Variants in UBA5 observed in about 807,000 individuals in gnomAD.
The protein encoded by UBA5 is ubiquitin like modifier activating enzyme 5.
In UBA5, 28 loss-of-function variants were observed where a neutral mutation model predicts 52.9. The ratio of observed to expected loss-of-function variants is 0.53; its 90% confidence interval spans 0.39 to 0.73. The LOEUF (loss-of-function observed/expected upper bound fraction) is 0.73, where lower values mean the gene tolerates loss of function less well. Ranked by LOEUF, UBA5 falls within the 30% of genes least tolerant of loss-of-function variation. UBA5 has a pLI of 0.00. For synonymous variants in UBA5, 135 were observed against 162.1 expected (o/e 0.83, Z 1.27); for missense variants, 388 against 492.7 (o/e 0.79, Z 2.01).
rs1938902594 is a variant in UBA5 at position 132,677,912 on chromosome 3, C to G, written c.*1386C>G. 1 of 152,066 alleles carries G rather than the reference C, an allele frequency of 6.6e-6. No homozygotes were observed. Among genetic ancestry groups the G allele is most frequent in the Non-Finnish European group, 1.5e-5 (1 of 67,976 alleles). 9.4% of individuals were successfully genotyped at this position (152,066 alleles called of 1,614,324 possible). The stretch of plus-strand genomic sequence containing the variant: ...TTAGCCTGGAAACTTATTTATGTTG[C>G]CTTGGTGAGTCTTCTATCATTTTTT... On this transcript the variant is annotated 3_prime_UTR_variant, in exon 12 of 12. Transcript: ENST00000356232.
At chr3:132,658,376 A>G (rs961409406), upstream of UBA5, among the ~76,000 whole-genome samples, 8 of 152,186 alleles carry the variant, frequency 5.3e-5, no homozygotes, top group African/African-American at 1.9e-4. Flanking sequence ...ATTTACAACT[A>G]ATTTCATTTT....
At chr3:132,674,275 A>G (rs917800868) in intron 8 of UBA5, among the ~76,000 whole-genome samples, 13 of 152,126 alleles carry the variant, frequency 8.5e-5, no homozygotes, top group African/African-American at 2.9e-4. Flanking sequence ...TTTGTCATTT[A>G]TCTTTTTTAT....
At chr3:132,659,950 G>T, upstream of UBA5, 1 of 547,544 alleles carries the variant, frequency 1.8e-6, no homozygotes, top group Non-Finnish European at 3.0e-6. Context: ...CTAGTCAAGT[G>T]CCAAAAGAGC....
At position 132,660,400 on chromosome 3, in the gene UBA5, A is replaced by C. The variant is rs750510291; in HGVS notation, c.-138A>C. The C allele has an allele frequency of 5.2e-5, 58 of 1,123,320 alleles. No individual in the cohort carries two copies. The highest frequency in any genetic ancestry group is 6.7e-5 in the Non-Finnish European group (54 of 803,184). 69.6% of individuals were successfully genotyped at this position (1,123,320 alleles called of 1,614,324 possible). A position where few individuals can be genotyped will look rare whatever the true frequency, so the allele number is the denominator to read the frequency against. ...TGTCTGTCTGTGAGGCGCTGGGTGCACGTCCCCAGGGCTCTGGGCTAGGAA... is the reference window on the plus strand; with the variant it reads ...TGTCTGTCTGTGAGGCGCTGGGTGCCCGTCCCCAGGGCTCTGGGCTAGGAA... On this transcript the variant is annotated 5_prime_UTR_variant, in exon 1 of 12. Coordinates refer to ENST00000356232, the MANE Select transcript of UBA5 (RefSeq NM_024818.6). The surrounding 1 kb of genome is among the most constrained non-coding windows in gnomAD (Gnocchi z 4.1).
Position 132,666,207 on chromosome 3 carries a change from C to T in UBA5, c.297+134C>T, listed in dbSNP as rs1938372361. 6 of 712,376 alleles carry T rather than the reference C, an allele frequency of 8.4e-6. No individual in the cohort carries two copies. The Admixed American group carries it at 1.4e-4, about 17-fold the overall frequency. 44.1% of individuals were successfully genotyped at this position (712,376 alleles called of 1,614,324 possible). On this transcript the variant is annotated intron_variant, in intron 3 of 11. Coordinates refer to ENST00000356232, the MANE Select transcript of UBA5 (RefSeq NM_024818.6). ...GTATTAATCTAGATTGTTCTTTCTA[C>T]TCGGGTTGAGACATATCCCCACCCA...
upstream of UBA5, chr3:132,660,139 C>T (rs926401136): frequency 4.4e-5 from 15 of 341,896 alleles, no homozygotes; most frequent in Non-Finnish European, 7.4e-5. This position sits in a 1 kb window ranked among gnomAD's most constrained non-coding sequence, Gnocchi z 4.1. Context: ...GAAAAAGGGC[C>T]GTCAGACTGT....
At chr3:132,661,095 G>A in intron 1 of UBA5, 1 of 1,294,264 alleles carries the variant, frequency 7.7e-7, no homozygotes, top group East Asian at 5.3e-5. Flanking sequence ...TCTTAAATGG[G>A]GTCGGGGCGG....
chr3:132,669,038 T>G, intron 4 of UBA5, 111 bp downstream of exon 4: 2 of 726,762 alleles, frequency 2.8e-6, no homozygotes, highest in Non-Finnish European at 4.2e-6. Context: ...CAGTTTTCAC[T>G]TGTACAAAGA....
At chr3:132,675,407 C>T in intron 9 of UBA5, 24 bp downstream of exon 9, 1 of 1,610,282 alleles carries the variant, frequency 6.2e-7, no homozygotes, top group Non-Finnish European at 8.5e-7. Context: ...TGTTAGAATG[C>T]ATGAGGGATC....
Position 132,665,879 on chromosome 3 carries a change from C to A in UBA5, c.207+11C>A, listed in dbSNP as rs764818446. 3.7e-6 allele frequency: 6 copies of A among 1,613,298 alleles called. No individual in the cohort carries two copies. Among genetic ancestry groups the A allele is most frequent in the Non-Finnish European group, 4.2e-6 (5 of 1,179,406 alleles). ...GTAAGCGACTATGAGGTATGATAAA[C>A]CCTTTCCAAGTTTTTGTAAGATTAA... On this transcript the variant is annotated intron_variant, in intron 2 of 11. Coordinates refer to ENST00000356232, the MANE Select transcript of UBA5 (RefSeq NM_024818.6).
chr3:132,665,060 A>G (rs770143526), intron 1 of UBA5, among the ~76,000 whole-genome samples: 13 of 152,126 alleles, frequency 8.5e-5, no homozygotes, highest in Admixed American at 2.6e-4. Context: ...AACCAAGATG[A>G]CTATCTAACA....
intron 4 of UBA5, among the ~76,000 whole-genome samples, 167 bp downstream of exon 4, chr3:132,669,094 G>C (rs76460603): frequency 0.033 from 5,009 of 152,162 alleles, 95 homozygotes; most frequent in African/African-American, 0.044. Flanking sequence ...TTTATGTATA[G>C]GTTAGATAAT....
chr3:132,667,305 C>T (rs759822455), intron 3 of UBA5: 1 of 152,116 alleles, frequency 6.6e-6, no homozygotes, highest in African/African-American at 2.4e-5. Context: ...AGCTAGACCA[C>T]GCCATTTTGA....
chr3:132,655,303 G>GT (rs967128728), intron 1 of UBA5, among the ~76,000 whole-genome samples: 28 of 151,994 alleles, frequency 1.8e-4, no homozygotes, highest in South Asian at 1.0e-3. Flanking sequence ...CAGAGATTCT[G>GT]TTTTTTTTGT....
chr3:132,658,250 C>G (rs567605170), upstream of UBA5, among the ~76,000 whole-genome samples: 1 of 152,166 alleles, frequency 6.6e-6, no homozygotes, highest in Admixed American at 6.5e-5. Flanking sequence ...TTTTTATAAA[C>G]TTTTTCATGT....
chr3:132,677,022 G>C lies in UBA5; in HGVS notation c.*496G>C, dbSNP rs1365939344. The C allele has an allele frequency of 6.4e-6, 2 of 313,932 alleles. No homozygotes were observed. The highest frequency in any genetic ancestry group is 4.3e-5 in the African/African-American group (2 of 46,292). The allele number at this position is 313,932 out of a possible 1,614,324, so 19.4% of individuals were successfully genotyped here. A position where few individuals can be genotyped will look rare whatever the true frequency, so the allele number is the denominator to read the frequency against. The stretch of plus-strand genomic sequence containing the variant: ...GAAAATTGCCCACTACTACTAACTT[G>C]ATCAACAATGAATTCAAAATAGTTA... On this transcript the variant is annotated 3_prime_UTR_variant, in exon 12 of 12. Coordinates refer to ENST00000356232, the MANE Select transcript of UBA5 (RefSeq NM_024818.6).
upstream of UBA5, chr3:132,659,987 C>T: frequency 4.3e-6 from 2 of 462,008 alleles, no homozygotes; most frequent in Non-Finnish European, 7.5e-6. Flanking sequence ...TTTCAATTCT[C>T]CAGTCAGCGT....
chr3:132,660,982 C>A lies in UBA5; in HGVS notation c.161+284C>A. 6.8e-7 allele frequency: 1 copy of A among 1,472,538 alleles called. No individual in the cohort carries two copies. The highest frequency in any genetic ancestry group is 9.0e-7 in the Non-Finnish European group (1 of 1,107,244). 91.2% of individuals were successfully genotyped at this position (1,472,538 alleles called of 1,614,324 possible). ...TCACCCTTGCCTCTTAATTAGTCCG[C>A]CTCGCTGTGTATAAGACTGATAGTA... On this transcript the variant is annotated intron_variant, in intron 1 of 11. Coordinates refer to ENST00000356232, the MANE Select transcript of UBA5 (RefSeq NM_024818.6). The surrounding 1 kb of genome is among the most constrained non-coding windows in gnomAD (Gnocchi z 4.1).
Position 132,676,339 on chromosome 3 carries a change from TA to T in UBA5, c.1132-103del. On this transcript the variant is annotated intron_variant, in intron 11 of 11. Transcript: ENST00000356232. The surrounding 1 kb of genome is among the most constrained non-coding windows in gnomAD (Gnocchi z 4.1). ...GATAGTTGTTAAAGAAAATTTACTT[TA>T]TAACCTTGTTGAGCATGGTCAAAAC... is the stretch of plus-strand genomic sequence containing the variant. The T allele has an allele frequency of 1.2e-6, 1 of 861,336 alleles. No homozygotes were observed. Among genetic ancestry groups the T allele is most frequent in the South Asian group, 1.6e-5 (1 of 61,850 alleles). The allele number at this position is 861,336 out of a possible 1,614,324, so 53.4% of individuals were successfully genotyped here. A position where few individuals can be genotyped will look rare whatever the true frequency, so the allele number is the denominator to read the frequency against.
Sources: gnomAD v4.1 joint callset for allele counts (sites outside exome capture counted in the v4.1 genomes callset) on GRCh38, gnomAD v4.1.1 for gene constraint, Gnocchi (gnomAD v3.1) non-coding constraint, MANE v1.5 for transcripts, NCBI Gene and HGNC (gene_info 2026-07-23, HGNC 2026-07-21) for gene names.